NT5DC1: variants seen among roughly 807,000 people sequenced by gnomAD.
NT5DC1 encodes the protein 5'-nucleotidase domain-containing protein 1.
In NT5DC1, 42 loss-of-function variants were observed where a neutral mutation model predicts 59.4. The ratio of observed to expected loss-of-function variants is 0.71; its 90% CI spans 0.55 to 0.92. NT5DC1 has a LOEUF of 0.92. Among genes scored for constraint, NT5DC1 ranks in the 40% least tolerant of loss-of-function variants. NT5DC1 has a pLI of 0.00. For missense variants in NT5DC1, 501 were observed against 537.1 expected, an observed-to-expected ratio of 0.93 and a Z score of 0.66; for synonymous variants, 172 against 188.1, an observed-to-expected ratio of 0.91 and a Z score of 0.70.
At chr6:116,160,370 A>G (rs1336708839) in intron 6 of NT5DC1, among the ~76,000 whole-genome samples, 1 of 152,034 alleles carries the variant, frequency 6.6e-6, no homozygotes, top group Non-Finnish European at 1.5e-5. Context: ...ATGATTAGTG[A>G]TGTTGAGCAT....
intron 6 of NT5DC1, among the ~76,000 whole-genome samples, chr6:116,185,180 C>T (rs1562155500): frequency 1.3e-5 from 2 of 151,966 alleles, no homozygotes; most frequent in African/African-American, 2.4e-5. Context: ...TTTGAGGGTT[C>T]CTTTTGGAGT....
chr6:116,200,348 G>A (rs1458662162), intron 6 of NT5DC1, among the ~76,000 whole-genome samples: 1 of 152,012 alleles, frequency 6.6e-6, no homozygotes, highest in East Asian at 1.9e-4. Flanking sequence ...TCCTGGCACA[G>A]AAAAGAGACA....
At chr6:116,218,870 T>G (rs1781738973) in intron 6 of NT5DC1, among the ~76,000 whole-genome samples, 1 of 152,228 alleles carries the variant, frequency 6.6e-6, no homozygotes, top group African/African-American at 2.4e-5. Context: ...TGCTTTAAGT[T>G]GCAAATAATA....
chr6:116,100,887 C>T lies in NT5DC1; in HGVS notation c.-44C>T. 2 of 1,481,396 alleles carry T rather than the reference C, an allele frequency of 1.4e-6. No individual in the cohort carries two copies. The highest frequency in any genetic ancestry group is 2.5e-5 in the East Asian group (1 of 40,040). The allele number at this position is 1,481,396 out of a possible 1,614,324, so 91.8% of individuals were successfully genotyped here. On this transcript the variant is annotated 5_prime_UTR_variant, in exon 1 of 12. Transcript: ENST00000319550. ...CAGCGTCCCGCCAGCCAGCTCCTTGCACCCTTCGCGGCCGAGGCGCTCCCT... is the reference window on the plus strand; with the variant it reads ...CAGCGTCCCGCCAGCCAGCTCCTTGTACCCTTCGCGGCCGAGGCGCTCCCT...
chr6:116,115,954 C>G lies in NT5DC1; in HGVS notation c.444+184C>G, dbSNP rs1778955284. On this transcript the variant is annotated intron_variant, in intron 5 of 11. Coordinates refer to ENST00000319550, the MANE Select transcript of NT5DC1 (RefSeq NM_152729.3). ...TTTTTGGAAAATTAAATAGCAGTGA[C>G]CTTTTTTTTTTCTCTCAGGAAAAAT... Among the ~76,000 whole-genome samples, 4 of 151,828 alleles carry G rather than the reference C, an allele frequency of 2.6e-5. 1 individual carries two copies. In the South Asian group the frequency reaches 8.3e-4, roughly 32 times the overall value.
In NT5DC1 at chr6:116,237,002, A is replaced by T; in HGVS notation, c.839A>T (p.Asp280Val). 6.2e-7 allele frequency: 1 copy of T among 1,611,874 alleles called. No individual in the cohort carries two copies. The highest frequency in any genetic ancestry group is 8.5e-7 in the Non-Finnish European group (1 of 1,178,052). Residue 280 changes from aspartate to valine, a missense_variant, in exon 9 of 12, where the codon GAT (aspartate) becomes GTT (valine). Asp to Val is a radical substitution (Grantham distance 152). Transcript: ENST00000319550. Reference protein sequence around the residue: ...DEEQEALPSLDKPGWYSQGNA... With the variant: ...DEEQEALPSLVKPGWYSQGNA... ...GAGCAGGAGGCACTGCCATCTCTGG[A>T]TAAACCTGGCTGGTACTCCCAAGGG...
At chr6:116,115,306 A>G (rs1300516217) in intron 4 of NT5DC1, among the ~76,000 whole-genome samples, 3 of 152,214 alleles carry the variant, frequency 2.0e-5, no homozygotes, top group African/African-American at 7.2e-5. Context: ...GCACTATTGT[A>G]TAGAGCGCTT....
intron 2 of NT5DC1, among the ~76,000 whole-genome samples, chr6:116,107,012 G>A (rs756439459): frequency 1.8e-4 from 28 of 151,770 alleles, no homozygotes; most frequent in Non-Finnish European, 3.8e-4. Context: ...GCAACATGAC[G>A]AAACCCCAAC....
intron 6 of NT5DC1, among the ~76,000 whole-genome samples, chr6:116,125,146 A>T (rs1779256088): frequency 1.3e-5 from 2 of 152,214 alleles, no homozygotes; most frequent in African/African-American, 4.8e-5. Flanking sequence ...ATTTTCAAGT[A>T]TATCCTTTCT....
chr6:116,162,910 G>A (rs575293203), intron 6 of NT5DC1, among the ~76,000 whole-genome samples: 5 of 151,830 alleles, frequency 3.3e-5, no homozygotes, highest in East Asian at 1.9e-4. Context: ...GGCAGATCAC[G>A]AGGTCAGGAG....
rs138831203 is a variant in NT5DC1, at chr6:116,120,081, G to T, written c.529+2136G>T. ...ATTAGCTCTGTGTGTACTCACATTG[G>T]AGCCACTAGGAATCCTGAGAAAGAG... On this transcript the variant is annotated intron_variant, in intron 6 of 11. Transcript: ENST00000319550. 11 of 1,613,554 alleles carry T rather than the reference G, an allele frequency of 6.8e-6. No individual in the cohort carries two copies. Among genetic ancestry groups the T allele is most frequent in the Non-Finnish European group, 9.3e-6 (11 of 1,179,712 alleles).
At chr6:116,205,449 T>A (rs1781430675) in intron 6 of NT5DC1, among the ~76,000 whole-genome samples, 1 of 144,684 alleles carries the variant, frequency 6.9e-6, no homozygotes, top group South Asian at 2.2e-4. Context: ...CTTAGAAAGA[T>A]AATTTCCCTG....
At chr6:116,101,272 G>A (rs1258870855) in intron 1 of NT5DC1, among the ~76,000 whole-genome samples, 2 of 152,190 alleles carry the variant, frequency 1.3e-5, no homozygotes, top group Non-Finnish European at 2.9e-5. Flanking sequence ...GAAGAACGAA[G>A]GAGGGGCAAA....
In NT5DC1 at chr6:116,244,311, A is replaced by G. The variant is rs575982682; in HGVS notation, c.*287A>G. ...CTCACACGCACAGTCACTCTTACACATATGCCTAGTCCAGTGGTTCTCAAA... is the reference window on the plus strand; with the variant it reads ...CTCACACGCACAGTCACTCTTACACGTATGCCTAGTCCAGTGGTTCTCAAA... On this transcript the variant is annotated 3_prime_UTR_variant, in exon 12 of 12. Coordinates refer to ENST00000319550, the MANE Select transcript of NT5DC1 (RefSeq NM_152729.3). The G allele has an allele frequency of 1.7e-4, 34 of 196,970 alleles. No homozygotes were observed. The highest frequency in any genetic ancestry group is 2.0e-3 in the Middle Eastern group (1 of 508). 12.2% of individuals were successfully genotyped at this position (196,970 alleles called of 1,614,324 possible).
intron 10 of NT5DC1, 64 bp from the exon 11 acceptor site, chr6:116,238,890 CA>C (rs79414001): frequency 5.7e-6 from 6 of 1,058,688 alleles, no homozygotes; most frequent in African/African-American, 1.6e-5. Flanking sequence ...ACTTAATAGA[CA>C]AAAAAATTAT....
At chr6:116,213,895 T>C (rs892270907) in intron 6 of NT5DC1, among the ~76,000 whole-genome samples, 7 of 151,924 alleles carry the variant, frequency 4.6e-5, no homozygotes, top group African/African-American at 1.7e-4. Flanking sequence ...GATGGATACT[T>C]TACCCACACT....
At chr6:116,220,089 G>T (rs1781766769) in intron 6 of NT5DC1, among the ~76,000 whole-genome samples, 1 of 139,030 alleles carries the variant, frequency 7.2e-6, no homozygotes, top group African/African-American at 2.7e-5. Context: ...TCTAGCTATT[G>T]CAGACTCTAT....
chr6:116,227,458 T>G (rs950838902), intron 8 of NT5DC1, among the ~76,000 whole-genome samples: 3 of 152,222 alleles, frequency 2.0e-5, no homozygotes, highest in Admixed American at 6.5e-5. Context: ...CATACCAATT[T>G]CATACATTTT....
Position 116,110,973 on chromosome 6 carries a change from G to A in NT5DC1, c.364+17G>A. The A allele has an allele frequency of 6.6e-7, 1 of 1,511,168 alleles. No homozygotes were observed. Among genetic ancestry groups the A allele is most frequent in the Non-Finnish European group, 9.2e-7 (1 of 1,086,308 alleles). The allele number at this position is 1,511,168 out of a possible 1,614,324, so 93.6% of individuals were successfully genotyped here. On this transcript the variant is annotated intron_variant, in intron 4 of 11. Coordinates refer to ENST00000319550, the MANE Select transcript of NT5DC1 (RefSeq NM_152729.3). ...GCCGCTCAGGTATGACTCAAATGAG[G>A]CAGCTCCACCATCCGCTCCCTGTTT...
Sources: gnomAD v4.1 joint callset for allele counts (sites outside exome capture counted in the v4.1 genomes callset) on GRCh38, gnomAD v4.1.1 for gene constraint, MANE v1.5 for transcripts, NCBI Gene and HGNC (gene_info 2026-07-23, HGNC 2026-07-21) for gene names.